MED6: variants seen among roughly 807,000 people sequenced by gnomAD.
MED6 encodes mediator complex subunit 6, also known as mediator of RNA polymerase II transcription subunit 6.
Under a neutral mutation model 37.5 loss-of-function variants are expected in MED6, and 33 were observed. That is an observed-to-expected ratio of 0.88 (90% CI 0.67 to 1.18). The LOEUF is 1.18. MED6 is among the 50% of genes most tolerant of loss of function. The probability of loss-of-function intolerance (pLI) is 0.00; values close to 1 mark genes in which losing one functional copy is unlikely to be tolerated. For missense variants in MED6, 235 were observed against 290.6 expected (o/e 0.81, Z 1.39); for synonymous variants, 94 against 93.6 (o/e 1.00, Z -0.02).
chr14:70,598,102 C>A (rs1490265422), intron 1 of MED6, among the ~76,000 whole-genome samples: 1 of 151,998 alleles, frequency 6.6e-6, no homozygotes, highest in East Asian at 1.9e-4. Flanking sequence ...TGAGACCAGC[C>A]TGACCAACAT....
In MED6 at chr14:70,591,337, T is replaced by G. The variant is rs370582419; in HGVS notation, c.511A>C (p.Ile171Leu). 3 of 1,607,112 alleles carry G rather than the reference T, an allele frequency of 1.9e-6. No individual in the cohort carries two copies. The highest frequency in any genetic ancestry group is 2.2e-5 in the East Asian group (1 of 44,694). The change falls in exon 6 of 8, where the codon ATT (isoleucine) becomes CTT (leucine). Residue 171 changes from isoleucine to leucine, a missense_variant. Ile to Leu is a conservative substitution (Grantham distance 5). Coordinates refer to ENST00000256379, the MANE Select transcript of MED6 (RefSeq NM_005466.4). ...KAKRKEEPSSIFQRQRVDALL... is the reference protein window; with the variant it reads ...KAKRKEEPSSLFQRQRVDALL... ...GCATCCACACGTTGTCTCTGAAAAA[T>G]AGAGCTTGGTTCTTCTTTCCTTTTG...
intron 6 of MED6, 106 bp from the exon 7 acceptor site, chr14:70,585,889 C>G (rs1394237372): frequency 1.2e-6 from 1 of 807,280 alleles, no homozygotes; most frequent in African/African-American, 1.8e-5. Context: ...AAAATGAAAG[C>G]TTCATCCAAA....
At chr14:70,587,979 G>A (rs1207888479) in intron 6 of MED6, among the ~76,000 whole-genome samples, 3 of 152,118 alleles carry the variant, frequency 2.0e-5, no homozygotes, top group East Asian at 3.9e-4. Flanking sequence ...AACATCCCTG[G>A]GTACCACAAG....
chr14:70,590,400 C>G (rs2139593683), intron 6 of MED6, among the ~76,000 whole-genome samples: 1 of 152,308 alleles, frequency 6.6e-6, no homozygotes, highest in South Asian at 2.1e-4. Flanking sequence ...GTCCTGAGTT[C>G]CATCTTGTGT....
intron 1 of MED6, among the ~76,000 whole-genome samples, chr14:70,598,258 T>A (rs185992596): frequency 6.6e-6 from 1 of 151,964 alleles, no homozygotes; most frequent in South Asian, 2.1e-4. Flanking sequence ...GATCACACCA[T>A]TGGACTCCAG....
chr14:70,590,599 G>A (rs115663307), intron 6 of MED6, among the ~76,000 whole-genome samples: 90 of 152,296 alleles, frequency 5.9e-4, no homozygotes, highest in African/African-American at 2.0e-3. Flanking sequence ...GATCTTGTAT[G>A]TACATTGTAA....
At chr14:70,596,900 T>C (rs889063559) in intron 2 of MED6, among the ~76,000 whole-genome samples, 198 bp from the exon 3 acceptor site, 1 of 152,224 alleles carries the variant, frequency 6.6e-6, no homozygotes, top group Non-Finnish European at 1.5e-5. Flanking sequence ...TAAGACTTGT[T>C]TCTAAACAAC....
At chr14:70,596,937 A>G (rs1479065605) in intron 2 of MED6, among the ~76,000 whole-genome samples, 1 of 152,252 alleles carries the variant, frequency 6.6e-6, no homozygotes, top group African/African-American at 2.4e-5. Flanking sequence ...AATGTATTAT[A>G]AATTTAAATC....
rs1225579185 is a variant in MED6, at chr14:70,583,368, C to A, written c.*1445G>T. 2 of 152,192 alleles carry A rather than the reference C, an allele frequency of 1.3e-5. No individual in the cohort carries two copies. The highest frequency in any genetic ancestry group is 4.8e-5 in the African/African-American group (2 of 41,448). 9.4% of individuals were successfully genotyped at this position (152,192 alleles called of 1,614,324 possible). A position where few individuals can be genotyped will look rare whatever the true frequency, so the allele number is the denominator to read the frequency against. On this transcript the variant is annotated 3_prime_UTR_variant, in exon 8 of 8. Coordinates refer to ENST00000256379, the MANE Select transcript of MED6 (RefSeq NM_005466.4). ...AACTACTTTAAATACTAAAATACCACTTTTGCTACTTAACACTAAAAACAT... is the reference window on the plus strand; with the variant it reads ...AACTACTTTAAATACTAAAATACCAATTTTGCTACTTAACACTAAAAACAT...
chr14:70,599,632 G>C (rs1477005812), intron 1 of MED6, among the ~76,000 whole-genome samples: 1 of 152,066 alleles, frequency 6.6e-6, no homozygotes, highest in Non-Finnish European at 1.5e-5. Context: ...TGACCTCCTT[G>C]CTGTTCCTTT....
In MED6 at chr14:70,596,684, C is replaced by T. The variant is rs1885058364; in HGVS notation, c.201G>A (p.Glu67=). Residue 67 remains glutamate, a synonymous_variant, in exon 3 of 8, where the codon GAG becomes GAA. Transcript: ENST00000256379. ...LEHLNQMVGI[E]YILLHAQEPI... ...GCTCTTGAGCATGCAAAAGGATGTACTCGATTCCAACCATCTGACTGAAAA... is the reference window on the plus strand; with the variant it reads ...GCTCTTGAGCATGCAAAAGGATGTATTCGATTCCAACCATCTGACTGAAAA... 6.2e-7 allele frequency: 1 copy of T among 1,613,870 alleles called. No individual in the cohort carries two copies. The highest frequency in any genetic ancestry group is 8.5e-7 in the Non-Finnish European group (1 of 1,179,822).
chr14:70,592,848 G>C, intron 5 of MED6, 32 bp downstream of exon 5: 3 of 1,607,200 alleles, frequency 1.9e-6, no homozygotes, highest in South Asian at 1.1e-5. Flanking sequence ...GGATCAAAAA[G>C]TGTTTTAGGA....
intron 5 of MED6, among the ~76,000 whole-genome samples, chr14:70,592,059 C>T (rs1884886942): frequency 6.6e-6 from 1 of 152,184 alleles, no homozygotes; most frequent in Non-Finnish European, 1.5e-5. Flanking sequence ...GGCAAACTTT[C>T]CTTCATCAAA....
chr14:70,594,207 C>T (rs2139599114), intron 3 of MED6, among the ~76,000 whole-genome samples: 3 of 152,320 alleles, frequency 2.0e-5, no homozygotes, highest in Admixed American at 2.0e-4. Context: ...TGAATCTTCT[C>T]TTCAGTATGA....
At position 70,596,660 on chromosome 14, in the gene MED6, C is replaced by T. The variant is rs553819618; in HGVS notation, c.225G>A (p.Glu75=). 1 of 1,613,956 alleles carries T rather than the reference C, an allele frequency of 6.2e-7. No individual in the cohort carries two copies. Among genetic ancestry groups the T allele is most frequent in the South Asian group, 1.1e-5 (1 of 91,064 alleles). Residue 75 remains glutamate, a synonymous_variant, in exon 3 of 8, where the codon GAG becomes GAA. Coordinates refer to ENST00000256379, the MANE Select transcript of MED6 (RefSeq NM_005466.4). ...GIEYILLHAQ[E]PILFIIRKQQ... is the part of the protein sequence containing the mutation. ...GCTTCCGAATGATGAAAAGAATGGGCTCTTGAGCATGCAAAAGGATGTACT... is the reference window on the plus strand; with the variant it reads ...GCTTCCGAATGATGAAAAGAATGGGTTCTTGAGCATGCAAAAGGATGTACT...
In MED6 at chr14:70,584,887, T is replaced by C. The variant is rs1884657952; in HGVS notation, c.667A>G (p.Lys223Glu). 1 of 1,614,146 alleles carries C rather than the reference T, an allele frequency of 6.2e-7. No individual in the cohort carries two copies. ...PIPETVKPEE[K>E]ETTKNVQQTV... ...TGTTGTACATTCTTTGTGGTCTCCT[T>C]CTCCTCAGGTTTTACAGTTTCTGGT... The change falls in exon 8 of 8, where the codon AAG becomes GAG. Residue 223 changes from lysine (K) to glutamate (E), a missense_variant. Lys to Glu is a moderately conservative substitution (Grantham distance 56). Coordinates refer to ENST00000256379, the MANE Select transcript of MED6 (RefSeq NM_005466.4).
At chr14:70,591,005 T>C (rs1884852738) in intron 6 of MED6, among the ~76,000 whole-genome samples, 2 of 152,262 alleles carry the variant, frequency 1.3e-5, no homozygotes, top group Admixed American at 1.3e-4. Context: ...CAGCAACCTT[T>C]TGAATGAGAA....
intron 1 of MED6, among the ~76,000 whole-genome samples, chr14:70,600,302 T>C (rs1226961003): frequency 6.6e-6 from 1 of 152,142 alleles, no homozygotes; most frequent in Non-Finnish European, 1.5e-5. Flanking sequence ...ACGCCATTCC[T>C]TCACTCCAAT....
chr14:70,592,757 G>T, intron 5 of MED6, 123 bp downstream of exon 5: 1 of 1,042,098 alleles, frequency 9.6e-7, no homozygotes, highest in Non-Finnish European at 1.4e-6. Context: ...CTGCAACAAA[G>T]CCATCATCCC....
Sources: gnomAD v4.1 joint callset for allele counts (sites outside exome capture counted in the v4.1 genomes callset) on GRCh38, gnomAD v4.1.1 for gene constraint, MANE v1.5 for transcripts, NCBI Gene and HGNC (gene_info 2026-07-23, HGNC 2026-07-21) for gene names.